Variants in HECTD4 observed in about 807,000 individuals in gnomAD.
HECTD4 encodes the protein probable E3 ubiquitin-protein ligase HECTD4.
Under a neutral mutation model 471.5 loss-of-function variants are expected in HECTD4, and 114 were observed. The ratio of observed to expected loss-of-function variants is 0.24; its 90% CI spans 0.21 to 0.28. The LOEUF is 0.28. Ranked by LOEUF, HECTD4 falls within the 10% of genes least tolerant of loss-of-function variation. The probability of loss-of-function intolerance (pLI) is 1.00; values close to 1 mark genes in which losing one functional copy is unlikely to be tolerated. For missense variants in HECTD4, 3,866 were observed against 5,651.5 expected, an observed-to-expected ratio of 0.68 and a Z score of 10.13; for synonymous variants, 2,012 against 2,256.0, an observed-to-expected ratio of 0.89 and a Z score of 3.07.
intron 9 of HECTD4, among the ~76,000 whole-genome samples, chr12:112,278,595 G>T (rs1340105500): frequency 1.3e-5 from 2 of 152,138 alleles, no homozygotes; most frequent in African/African-American, 4.8e-5. Context: ...TATTTTAATA[G>T]CTTTGAAATT....
At position 112,252,434 on chromosome 12, in the gene HECTD4, A is replaced by G. The variant is rs2033913708; in HGVS notation, c.3542T>C (p.Val1181Ala). 6.2e-7 allele frequency: 1 copy of G among 1,600,136 alleles called. No individual in the cohort carries two copies. Among genetic ancestry groups the G allele is most frequent in the Non-Finnish European group, 8.5e-7 (1 of 1,175,516 alleles). Residue 1181 changes from valine (V) to alanine (A), a missense_variant, in exon 23 of 76, where the codon GTT (valine) becomes GCT (alanine). Physicochemically the swap from Val to Ala is moderately conservative, Grantham distance 64. Around this residue, in one of 16 missense-constraint regions of HECTD4, gnomAD observed 281 missense variants for 499.9 expected, o/e 0.56. Coordinates refer to ENST00000682272, the MANE Select transcript of HECTD4 (RefSeq NM_001388303.1). Reference protein sequence around the residue: ...DKAMWGFACTVRAQESSEDVS... With the variant: ...DKAMWGFACTARAQESSEDVS... Reference sequence around the variant, plus strand: ...GTTAGATTCAAGTACCTGAGCGCGAACTGTGCAAGCAAAGCCCCACATGGC... The same window carrying G: ...GTTAGATTCAAGTACCTGAGCGCGAGCTGTGCAAGCAAAGCCCCACATGGC...
In HECTD4 at chr12:112,239,383, A is replaced by T. The variant is rs1445131314; in HGVS notation, c.5106-147T>A. 3.3e-5 allele frequency: 20 copies of T among 605,578 alleles called. No homozygotes were observed. In the East Asian group the frequency reaches 5.3e-4, roughly 16 times the overall value. The allele number at this position is 605,578 out of a possible 1,614,324, so 37.5% of individuals were successfully genotyped here. A position where few individuals can be genotyped will look rare whatever the true frequency, so the allele number is the denominator to read the frequency against. On this transcript the variant is annotated intron_variant, in intron 33 of 75. Transcript: ENST00000682272. This position sits in a 1 kb window ranked among gnomAD's most constrained non-coding sequence, Gnocchi z 4.9. ...ACTGCCATGTGCAATCAAACACAAA[A>T]TGATTTTCTGATAATGATGATTCCC...
intron 1 of HECTD4, among the ~76,000 whole-genome samples, chr12:112,372,817 C>T (rs1594084238): frequency 6.6e-6 from 1 of 152,230 alleles, no homozygotes; most frequent in Middle Eastern, 3.4e-3. Flanking sequence ...AGTACAGTGA[C>T]AGTCTTCGCC....
At chr12:112,170,603 G>C in intron 68 of HECTD4, 151 bp from the exon 69 acceptor site, 1 of 917,248 alleles carries the variant, frequency 1.1e-6, no homozygotes, top group Non-Finnish European at 1.6e-6. Context: ...TGGTGTGTCA[G>C]CATCCGCCCA....
At chr12:112,174,272 T>TC (rs2031352754) in intron 66 of HECTD4, among the ~76,000 whole-genome samples, 1 of 146,962 alleles carries the variant, frequency 6.8e-6, no homozygotes, top group South Asian at 2.2e-4. Context: ...TCTGACTTTT[T>TC]TTTTTTTTTA....
rs373056972 is a variant in HECTD4 at position 112,262,983 on chromosome 12, C to G, written c.2748+1101G>C. On this transcript the variant is annotated intron_variant, in intron 17 of 75. Transcript: ENST00000682272. Reference sequence around the variant, plus strand: ...TAGGAACTCTGAACTAATGATGAGCCAAATCATGTTTTAAGTCACACTAAT... The same window carrying G: ...TAGGAACTCTGAACTAATGATGAGCGAAATCATGTTTTAAGTCACACTAAT... 2.6e-5 allele frequency among the ~76,000 whole-genome samples: 4 copies of G among 152,002 alleles called. No individual in the cohort carries two copies. In the East Asian group the frequency reaches 7.7e-4, roughly 29 times the overall value.
intron 37 of HECTD4, among the ~76,000 whole-genome samples, 153 bp downstream of exon 37, chr12:112,234,924 T>A (rs1024147629): frequency 1.1e-4 from 16 of 152,218 alleles, no homozygotes; most frequent in African/African-American, 3.1e-4. Flanking sequence ...AGTTTCTTTC[T>A]GTGTCACCAC....
At chr12:112,231,760 C>T in intron 38 of HECTD4, 45 bp from the exon 39 acceptor site, 1 of 1,496,480 alleles carries the variant, frequency 6.7e-7, no homozygotes, top group Non-Finnish European at 9.1e-7. Context: ...TTCAGTCTTC[C>T]CAGCACTATA....
chr12:112,165,895 G>A (rs2030934503), intron 72 of HECTD4, among the ~76,000 whole-genome samples: 1 of 152,216 alleles, frequency 6.6e-6, no homozygotes, highest in Non-Finnish European at 1.5e-5. Context: ...ACAGTGACAG[G>A]TGGATGGACA....
Position 112,382,395 on chromosome 12 carries a change from C to T in HECTD4, c.-267G>A, listed in dbSNP as rs1306115293. On this transcript the variant is annotated 5_prime_UTR_variant, in exon 1 of 76. Coordinates refer to ENST00000682272, the MANE Select transcript of HECTD4 (RefSeq NM_001388303.1). ...AGGATCCGCCTCTGCCGCTCGGCAA[C>T]CAACTGTCAGTGAGACGCCATGTTG... 1.5e-5 allele frequency: 5 copies of T among 331,832 alleles called. No homozygotes were observed. The highest frequency in any genetic ancestry group is 2.7e-5 in the Non-Finnish European group (5 of 188,040). 20.6% of individuals were successfully genotyped at this position (331,832 alleles called of 1,614,324 possible).
intron 1 of HECTD4, among the ~76,000 whole-genome samples, chr12:112,331,010 G>A (rs907648058): frequency 2.0e-5 from 3 of 152,092 alleles, no homozygotes; most frequent in Non-Finnish European, 2.9e-5. Context: ...CCCCGGTCTG[G>A]TTACCTCAGA....
intron 68 of HECTD4, 41 bp downstream of exon 68, chr12:112,171,076 C>G (rs2137006776): frequency 6.5e-7 from 1 of 1,550,146 alleles, no homozygotes; most frequent in Admixed American, 1.8e-5. Flanking sequence ...TGCAGGTCAC[C>G]TCTCTCTTCC....
chr12:112,332,078 TA>T (rs1265266869), intron 1 of HECTD4, among the ~76,000 whole-genome samples: 1 of 152,024 alleles, frequency 6.6e-6, no homozygotes, highest in Non-Finnish European at 1.5e-5. Context: ...GCTGTCTTCC[TA>T]AGACTGAAGG....
intron 1 of HECTD4, among the ~76,000 whole-genome samples, chr12:112,331,892 C>A (rs1019297389): frequency 6.6e-6 from 1 of 152,118 alleles, no homozygotes; most frequent in Non-Finnish European, 1.5e-5. Flanking sequence ...CTGCAATGGT[C>A]AAACTATAAC....
At position 112,381,467 on chromosome 12, in the gene HECTD4, C is replaced by T. The variant is rs191791805; in HGVS notation, c.177+485G>A. ...ACCCGCAGCTGCCACTACCCTCTCC[C>T]GGAAAAAAACCAAACCAAACCAAAC... On this transcript the variant is annotated intron_variant, in intron 1 of 75. Transcript: ENST00000682272. This position sits in a 1 kb window ranked among gnomAD's most constrained non-coding sequence, Gnocchi z 4.1. Among the ~76,000 whole-genome samples the T allele has an allele frequency of 1.3e-5, 2 of 152,234 alleles. No homozygotes were observed. Among genetic ancestry groups the T allele is most frequent in the Admixed American group, 1.3e-4 (2 of 15,290 alleles).
chr12:112,338,022 T>C (rs2035989966), intron 1 of HECTD4, among the ~76,000 whole-genome samples: 1 of 152,212 alleles, frequency 6.6e-6, no homozygotes, highest in Non-Finnish European at 1.5e-5. Flanking sequence ...AAACAACAGA[T>C]ATTTACTCTC....
intron 60 of HECTD4, among the ~76,000 whole-genome samples, chr12:112,186,869 T>C (rs1242950043): frequency 2.0e-5 from 3 of 151,924 alleles, no homozygotes; most frequent in African/African-American, 7.3e-5. Flanking sequence ...GGTATCGTCA[T>C]GTTGGCCAGG....
In HECTD4 at chr12:112,284,011, A is replaced by G. The variant is rs186179313; in HGVS notation, c.1336-709T>C. On this transcript the variant is annotated intron_variant, in intron 7 of 75. Transcript: ENST00000682272. ...GCTTTCTGTATTGCTAAAAAGATCC[A>G]GACCACTTACTATAAGCTTCTCCTA... Among the ~76,000 whole-genome samples the G allele has an allele frequency of 2.1e-3, 307 of 148,922 alleles. 2 individuals carry two copies. The highest frequency in any genetic ancestry group is 7.3e-3 in the African/African-American group (293 of 40,368).
chr12:112,283,343 T>TCCC (rs776139142), intron 7 of HECTD4, 41 bp from the exon 8 acceptor site: 3 of 1,480,932 alleles, frequency 2.0e-6, no homozygotes, highest in Non-Finnish European at 1.8e-6. Context: ...GATATCTGTT[T>TCCC]CCATTTAGTT....
Sources: gnomAD v4.1 joint callset for allele counts (sites outside exome capture counted in the v4.1 genomes callset) on GRCh38, gnomAD v4.1.1 for gene constraint, gnomAD v4.1.1 regional missense constraint, Gnocchi (gnomAD v3.1) non-coding constraint, MANE v1.5 for transcripts, NCBI Gene and HGNC (gene_info 2026-07-23, HGNC 2026-07-21) for gene names.